POU6F2: variants seen among roughly 807,000 people sequenced by gnomAD.
The protein encoded by POU6F2 is POU domain, class 6, transcription factor 2.
In POU6F2, 31 loss-of-function variants were observed where a neutral mutation model predicts 71.3. The observed-to-expected ratio is 0.43, with a 90% confidence interval of 0.33 to 0.59. The LOEUF is 0.59. POU6F2 is among the 20% of genes least tolerant of loss of function. POU6F2 has a pLI of 0.04. For missense variants in POU6F2, 783 were observed against 856.8 expected (o/e 0.91, Z 1.07); for synonymous variants, 347 against 355.7 (o/e 0.98, Z 0.27).
intron 2 of POU6F2, among the ~76,000 whole-genome samples, chr7:39,194,434 C>G (rs891804806): frequency 6.6e-6 from 1 of 152,202 alleles, no homozygotes; most frequent in Non-Finnish European, 1.5e-5. Context: ...GAGAAGTTTT[C>G]TGTCTAGCTA....
chr7:39,211,882 G>A (rs551206804), intron 4 of POU6F2, among the ~76,000 whole-genome samples: 82 of 152,276 alleles, frequency 5.4e-4, no homozygotes, highest in African/African-American at 1.4e-3. Context: ...GCATTGGATG[G>A]CTTTTGGCTG....
chr7:39,011,205 C>T (rs1348219718), intron 1 of POU6F2, among the ~76,000 whole-genome samples: 1 of 142,402 alleles, frequency 7.0e-6, no homozygotes, highest in Non-Finnish European at 1.5e-5. Context: ...AATCTGGGTG[C>T]TCCTGTATTG....
chr7:39,101,672 G>A (rs1791576573), intron 2 of POU6F2, among the ~76,000 whole-genome samples: 1 of 152,052 alleles, frequency 6.6e-6, no homozygotes, highest in African/African-American at 2.4e-5. Context: ...GGTAACTATA[G>A]TTAATAATCA....
Position 39,182,877 on chromosome 7 carries a change from C to T in POU6F2, c.278-21358C>T, listed in dbSNP as rs773438729. On this transcript the variant is annotated intron_variant, in intron 2 of 9. Transcript: ENST00000518318. ...ATCAGAGTCCGATAGGCACTTTACA[C>T]TTAGTATGCCCAAACCTGAAATTTT... 3.3e-5 allele frequency among the ~76,000 whole-genome samples: 5 copies of T among 152,182 alleles called. 1 individual carries two copies. Among genetic ancestry groups the T allele is most frequent in the Admixed American group, 2.6e-4 (4 of 15,276 alleles).
chr7:39,279,903 C>A (rs118058732), intron 4 of POU6F2, among the ~76,000 whole-genome samples: 1 of 152,096 alleles, frequency 6.6e-6, no homozygotes, highest in Non-Finnish European at 1.5e-5. Context: ...CCTGCCACTA[C>A]GCCCAGATAA....
At chr7:39,376,742 C>T (rs777361658) in intron 5 of POU6F2, among the ~76,000 whole-genome samples, 1 of 152,078 alleles carries the variant, frequency 6.6e-6, no homozygotes, top group South Asian at 2.1e-4. Flanking sequence ...GAAAAGCCTC[C>T]AGTTCCTAGA....
chr7:39,234,021 A>C (rs62443968), intron 4 of POU6F2, among the ~76,000 whole-genome samples: 19,895 of 152,034 alleles, frequency 0.13, 1,323 homozygotes, highest in African/African-American at 0.16. Context: ...GTTTTAACAT[A>C]AATTTTATGG....
chr7:38,981,396 G>A (rs1788312074), intron 1 of POU6F2, among the ~76,000 whole-genome samples: 1 of 152,092 alleles, frequency 6.6e-6, no homozygotes, highest in Non-Finnish European at 1.5e-5. Flanking sequence ...TTCTGGCACT[G>A]CTGTCCCCAG....
intron 5 of POU6F2, among the ~76,000 whole-genome samples, chr7:39,344,593 G>A (rs1396348493): frequency 6.6e-6 from 1 of 152,090 alleles, no homozygotes; most frequent in East Asian, 1.9e-4. Flanking sequence ...TAAAGCAAAT[G>A]GTCTCCAATC....
At chr7:39,419,980 G>A (rs1787815409) in intron 6 of POU6F2, among the ~76,000 whole-genome samples, 1 of 152,096 alleles carries the variant, frequency 6.6e-6, no homozygotes, top group Admixed American at 6.5e-5. Context: ...TCAAAAGGCA[G>A]GGCCACAGAG....
intron 5 of POU6F2, among the ~76,000 whole-genome samples, chr7:39,389,410 G>A (rs1057497237): frequency 2.6e-5 from 4 of 152,052 alleles, no homozygotes; most frequent in African/African-American, 9.7e-5. Flanking sequence ...TATATCCAAA[G>A]TTTCTCAGAA....
chr7:39,024,034 C>T (rs533179292), intron 1 of POU6F2, among the ~76,000 whole-genome samples: 1 of 152,038 alleles, frequency 6.6e-6, no homozygotes, highest in Non-Finnish European at 1.5e-5. Context: ...TTTTCCAATT[C>T]TGTGAAGAAA....
intron 4 of POU6F2, among the ~76,000 whole-genome samples, chr7:39,246,905 CTTTTT>C (rs398004470): frequency 0.43 from 32,995 of 77,518 alleles, 5,240 homozygotes; most frequent in East Asian, 0.65. Context: ...TCCAGGGTGG[CTTTTT>C]TTTTTTTTTT....
At chr7:39,355,943 T>C (rs535507471) in intron 5 of POU6F2, among the ~76,000 whole-genome samples, 146 of 152,184 alleles carry the variant, frequency 9.6e-4, no homozygotes, top group African/African-American at 3.3e-3. Flanking sequence ...CCCTGGAAGC[T>C]GTGTCCCTCA....
chr7:39,247,951 T>G (rs1783849910), intron 4 of POU6F2, among the ~76,000 whole-genome samples: 1 of 152,226 alleles, frequency 6.6e-6, no homozygotes, highest in African/African-American at 2.4e-5. Flanking sequence ...CCTGACAATC[T>G]GGGATGGATC....
intron 5 of POU6F2, among the ~76,000 whole-genome samples, chr7:39,378,408 C>A (rs1786753020): frequency 1.3e-5 from 2 of 152,156 alleles, no homozygotes; most frequent in South Asian, 4.1e-4. Context: ...ACTAAGTCAA[C>A]CTTCCTGAAA....
chr7:39,015,199 T>C (rs1789439147), intron 1 of POU6F2, among the ~76,000 whole-genome samples: 1 of 148,232 alleles, frequency 6.7e-6, no homozygotes, highest in Non-Finnish European at 1.5e-5. Flanking sequence ...CTATTAATGG[T>C]ATGTGTAGGT....
At chr7:39,238,669 T>C (rs1794720233) in intron 4 of POU6F2, among the ~76,000 whole-genome samples, 1 of 152,194 alleles carries the variant, frequency 6.6e-6, no homozygotes, top group Non-Finnish European at 1.5e-5. Flanking sequence ...ATTGGAGGCA[T>C]CTGTTTATTG....
intron 2 of POU6F2, among the ~76,000 whole-genome samples, chr7:39,128,901 T>C (rs1225596700): frequency 1.3e-5 from 2 of 152,202 alleles, no homozygotes; most frequent in African/African-American, 4.8e-5. Flanking sequence ...AGTGGGAGTA[T>C]ATTAGACTCT....
Sources: gnomAD v4.1 joint callset for allele counts (sites outside exome capture counted in the v4.1 genomes callset) on GRCh38, gnomAD v4.1.1 for gene constraint, MANE v1.5 for transcripts, NCBI Gene and HGNC (gene_info 2026-07-23, HGNC 2026-07-21) for gene names.